The following SSU72 variants were observed in gnomAD, a reference collection of about 807,000 sequenced individuals.
SSU72 encodes RNA polymerase II subunit A C-terminal domain phosphatase SSU72.
Under a neutral mutation model 22.7 loss-of-function variants are expected in SSU72, and 12 were observed. The ratio of observed to expected loss-of-function variants is 0.53; its 90% CI spans 0.34 to 0.86. SSU72 has a LOEUF of 0.86. Ranked by LOEUF, SSU72 falls within the 40% of genes least tolerant of loss-of-function variation. The pLI is 0.02. For synonymous variants in SSU72, 116 were observed against 98.3 expected (o/e 1.18, Z -1.06); for missense variants, 151 against 249.8 (o/e 0.60, Z 2.67).
At chr1:1,544,793 G>C in intron 3 of SSU72, 70 bp downstream of exon 3, 1 of 1,607,400 alleles carries the variant, frequency 6.2e-7, no homozygotes, top group South Asian at 1.1e-5. Context: ...GTCATGGTGG[G>C]GCCCTGCAGG....
At chr1:1,571,871 T>TCTGCTTC (rs1642735292) in intron 1 of SSU72, among the ~76,000 whole-genome samples, 1 of 151,752 alleles carries the variant, frequency 6.6e-6, no homozygotes. Context: ...CACTGCAAGC[T>TCTGCTTC]CTGCTTCCTG....
intron 1 of SSU72, among the ~76,000 whole-genome samples, chr1:1,572,232 C>G (rs1642739466): frequency 1.4e-5 from 2 of 146,158 alleles, no homozygotes; most frequent in South Asian, 4.5e-4. Context: ...TCGAGACCAT[C>G]CTGGCTAACA....
chr1:1,543,748 C>T (rs1312975785), intron 4 of SSU72, 121 bp downstream of exon 4: 2 of 735,526 alleles, frequency 2.7e-6, no homozygotes, highest in Admixed American at 2.2e-5. Context: ...CGGCCACTCC[C>T]CTCTGTCACG....
intron 2 of SSU72, 62 bp downstream of exon 2, chr1:1,564,711 C>G (rs1487628712): frequency 3.7e-6 from 6 of 1,614,212 alleles, no homozygotes; most frequent in Non-Finnish European, 5.1e-6. Flanking sequence ...GCCCGAGCCA[C>G]ACGTAACACC....
intron 1 of SSU72, among the ~76,000 whole-genome samples, chr1:1,572,681 T>C (rs1015886332): frequency 6.6e-6 from 1 of 151,148 alleles, no homozygotes; most frequent in South Asian, 2.1e-4. Context: ...ATAGTCTCAA[T>C]CTCCTGACTT....
rs1185767327 is a variant in SSU72, at chr1:1,554,110, A to T, written c.225-9108T>A. Among the ~76,000 whole-genome samples the T allele has an allele frequency of 6.6e-6, 1 of 152,128 alleles. No individual in the cohort carries two copies. Among genetic ancestry groups the T allele is most frequent in the Non-Finnish European group, 1.5e-5 (1 of 68,026 alleles). ...GAGGAAGTGCAGCTCCAGGGAGTGGAGCGGTTGTGAGATTCACCATCAGCA... is the reference window on the plus strand; with the variant it reads ...GAGGAAGTGCAGCTCCAGGGAGTGGTGCGGTTGTGAGATTCACCATCAGCA... On this transcript the variant is annotated intron_variant, in intron 2 of 4. Coordinates refer to ENST00000291386, the MANE Select transcript of SSU72 (RefSeq NM_014188.3). The surrounding 1 kb of genome is among the most constrained non-coding windows in gnomAD (Gnocchi z 4.1).
chr1:1,552,178 C>T (rs555493335), intron 2 of SSU72, among the ~76,000 whole-genome samples: 74 of 152,306 alleles, frequency 4.9e-4, no homozygotes, highest in Admixed American at 3.4e-3. Context: ...CAGCTTCCTC[C>T]GCGAAGCCCT....
intron 1 of SSU72, among the ~76,000 whole-genome samples, chr1:1,568,033 T>C (rs1169706418): frequency 6.6e-6 from 1 of 152,142 alleles, no homozygotes; most frequent in Non-Finnish European, 1.5e-5. Context: ...TTCCTTTAAG[T>C]TAGCCTATTT....
chr1:1,545,070 C>G, intron 2 of SSU72, 68 bp from the exon 3 acceptor site: 2 of 1,558,880 alleles, frequency 1.3e-6, no homozygotes, highest in South Asian at 2.4e-5. Flanking sequence ...GCGCCTGTGT[C>G]CTGGACACCC....
chr1:1,572,491 C>T (rs1642743421), intron 1 of SSU72, among the ~76,000 whole-genome samples: 1 of 151,072 alleles, frequency 6.6e-6, no homozygotes, highest in Non-Finnish European at 1.5e-5. Context: ...GAGTCTTGCT[C>T]TGTCGCCCAG....
chr1:1,552,341 G>A (rs1377356254), intron 2 of SSU72, among the ~76,000 whole-genome samples: 3 of 152,198 alleles, frequency 2.0e-5, no homozygotes, highest in Non-Finnish European at 4.4e-5. Flanking sequence ...TTCTGTGATC[G>A]TCCCTGTGCG....
At chr1:1,547,421 G>A (rs910052419) in intron 2 of SSU72, among the ~76,000 whole-genome samples, 4 of 152,236 alleles carry the variant, frequency 2.6e-5, no homozygotes, top group African/African-American at 9.6e-5. Context: ...GGACAAAGCA[G>A]CAGCCTCCTC....
chr1:1,570,967 C>G (rs1037463269), intron 1 of SSU72, among the ~76,000 whole-genome samples: 4 of 151,902 alleles, frequency 2.6e-5, no homozygotes, highest in African/African-American at 9.7e-5. Context: ...AAAAATTTGG[C>G]CGGGCGCGGT....
intron 2 of SSU72, among the ~76,000 whole-genome samples, chr1:1,547,864 C>G (rs977974107): frequency 6.6e-6 from 1 of 152,242 alleles, no homozygotes; most frequent in Non-Finnish European, 1.5e-5. Flanking sequence ...GAACAGAAAC[C>G]TGTCCCATCT....
intron 2 of SSU72, among the ~76,000 whole-genome samples, chr1:1,550,287 C>T (rs1297252144): frequency 2.0e-5 from 3 of 152,272 alleles, no homozygotes; most frequent in African/African-American, 2.4e-5. Context: ...CACGCCAGCC[C>T]GGCTGGGGGT....
At chr1:1,559,275 C>CG (rs1020081619) in intron 2 of SSU72, among the ~76,000 whole-genome samples, 2 of 152,092 alleles carry the variant, frequency 1.3e-5, no homozygotes, top group African/African-American at 4.8e-5. Context: ...GTGGAACGGG[C>CG]GGACCTGTAG....
intron 1 of SSU72, among the ~76,000 whole-genome samples, chr1:1,570,839 T>C (rs546673722): frequency 2.4e-4 from 36 of 151,646 alleles, no homozygotes; most frequent in East Asian, 5.8e-4. Context: ...AGGCTGGGCG[T>C]GGTGGCTCAC....
rs1387571332 is a variant in SSU72 at position 1,574,609 on chromosome 1, C to A, written c.-52G>T. 3 of 1,518,986 alleles carry A rather than the reference C, an allele frequency of 2.0e-6. No homozygotes were observed. Among genetic ancestry groups the A allele is most frequent in the Non-Finnish European group, 2.7e-6 (3 of 1,130,722 alleles). The allele number at this position is 1,518,986 out of a possible 1,614,324, so 94.1% of individuals were successfully genotyped here. The stretch of plus-strand genomic sequence containing the variant: ...TCCCGCTTGGGTTCCCACCCTACCG[C>A]GGCGCTTCCGCGCGAACAAAATGGC... On this transcript the variant is annotated 5_prime_UTR_variant, in exon 1 of 5. Transcript: ENST00000291386.
chr1:1,546,990 A>G (rs1256729123), intron 2 of SSU72, among the ~76,000 whole-genome samples: 1 of 151,972 alleles, frequency 6.6e-6, no homozygotes, highest in Non-Finnish European at 1.5e-5. Context: ...AGATCGTGAC[A>G]CTGCACTCCA....
Sources: gnomAD v4.1 joint callset for allele counts (sites outside exome capture counted in the v4.1 genomes callset) on GRCh38, gnomAD v4.1.1 for gene constraint, Gnocchi (gnomAD v3.1) non-coding constraint, MANE v1.5 for transcripts, NCBI Gene and HGNC (gene_info 2026-07-23, HGNC 2026-07-21) for gene names.